AMTN: variants seen among roughly 807,000 people sequenced by gnomAD.
The protein encoded by AMTN is RSTI689.
AMTN carries 29 observed loss-of-function variants against 27.4 expected under a neutral mutation model. The observed-to-expected ratio is 1.06, with a 90% CI of 0.79 to 1.44. AMTN has a LOEUF of 1.44. AMTN is among the 40% of genes most tolerant of loss of function. The pLI is 0.00. For synonymous variants in AMTN, 86 were observed against 95.7 expected (o/e 0.90, Z 0.59); for missense variants, 247 against 248.8 (o/e 0.99, Z 0.05).
chr4:70,530,837 G>C lies in AMTN; in HGVS notation c.358-202G>C, dbSNP rs984121106. On this transcript the variant is annotated intron_variant, in intron 7 of 8. Transcript: ENST00000339336. ...TATGTAATTTATTTCTGAGGGAAATGGAGCATAGCAAAGAGTCCCAGTATT... is the reference window on the plus strand; with the variant it reads ...TATGTAATTTATTTCTGAGGGAAATCGAGCATAGCAAAGAGTCCCAGTATT... Among the ~76,000 whole-genome samples the C allele has an allele frequency of 4.6e-5, 7 of 152,256 alleles. No homozygotes were observed. The South Asian group carries it at 1.0e-3, about 23-fold the overall frequency.
At chr4:70,527,648 A>T (rs1411830301) in intron 5 of AMTN, among the ~76,000 whole-genome samples, 1 of 152,172 alleles carries the variant, frequency 6.6e-6, no homozygotes, top group African/African-American at 2.4e-5. Flanking sequence ...ATTTCATAAG[A>T]CTTTCAAATC....
Position 70,520,684 on chromosome 4 carries a change from A to C in AMTN, c.54+1853A>C, listed in dbSNP as rs145070861. Among the ~76,000 whole-genome samples the C allele has an allele frequency of 4.6e-3, 702 of 152,302 alleles. 8 individuals are homozygous for C. The highest frequency in any genetic ancestry group is 0.016 in the African/African-American group (678 of 41,562). On this transcript the variant is annotated intron_variant, in intron 2 of 8. Transcript: ENST00000339336. ...AAATGATAAATGGTGAGCAGTCTAA[A>C]TCAGTAGGTCACATGACAGGTTAGG...
intron 6 of AMTN, 32 bp from the exon 7 acceptor site, chr4:70,529,152 C>T: frequency 6.6e-7 from 1 of 1,522,646 alleles, no homozygotes; most frequent in South Asian, 1.3e-5. Flanking sequence ...TAAAATGTGT[C>T]TAACAAATTG....
chr4:70,529,473 C>CACA (rs1459811781), intron 7 of AMTN, among the ~76,000 whole-genome samples: 1 of 152,116 alleles, frequency 6.6e-6, no homozygotes. Context: ...AAAGGCAGTG[C>CACA]ACATTTTTTA....
intron 2 of AMTN, among the ~76,000 whole-genome samples, chr4:70,520,611 T>A (rs909800557): frequency 6.6e-6 from 1 of 152,248 alleles, no homozygotes; most frequent in Non-Finnish European, 1.5e-5. Flanking sequence ...CTTTTTGAGA[T>A]GGATCATTGA....
chr4:70,522,823 A>G lies in AMTN; in HGVS notation c.123A>G (p.Gln41=). 1 of 1,613,838 alleles carries G rather than the reference A, an allele frequency of 6.2e-7. No homozygotes were observed. Among genetic ancestry groups the G allele is most frequent in the Non-Finnish European group, 8.5e-7 (1 of 1,179,812 alleles). The part of the protein sequence containing the change: ...LAPDQGTLPN[Q]QQSNQVFPSL... ...CGGATCAGGGAACACTACCAAACCA[A>G]CAGCAGTCAAATCAGGTAAGAGTCC... is the stretch of plus-strand genomic sequence containing the variant. Residue 41 remains glutamine, a synonymous_variant, in exon 3 of 9, where the codon CAA becomes CAG. Transcript: ENST00000339336.
chr4:70,527,163 T>A (rs757365564), intron 5 of AMTN, among the ~76,000 whole-genome samples: 80 of 152,228 alleles, frequency 5.3e-4, no homozygotes, highest in Non-Finnish European at 1.0e-3. Flanking sequence ...CCTCTACAGC[T>A]GTTGCAAAGA....
intron 8 of AMTN, among the ~76,000 whole-genome samples, chr4:70,532,029 G>A (rs545881842): frequency 8.7e-4 from 132 of 152,186 alleles, no homozygotes; most frequent in South Asian, 1.0e-3. Context: ...AAAGCAGAAT[G>A]TGTTCCTTGC....
intron 5 of AMTN, among the ~76,000 whole-genome samples, chr4:70,527,538 G>A (rs964745338): frequency 7.9e-5 from 12 of 152,304 alleles, no homozygotes; most frequent in African/African-American, 2.4e-4. Flanking sequence ...CTGATTGTGA[G>A]TAAGGCTTTT....
chr4:70,524,463 C>T (rs59488189), intron 4 of AMTN, among the ~76,000 whole-genome samples: 4,986 of 152,166 alleles, frequency 0.033, 242 homozygotes, highest in African/African-American at 0.1. Flanking sequence ...ATGTTCCAGA[C>T]AAAATATGTA....
chr4:70,525,580 G>A (rs1407447938), intron 5 of AMTN, among the ~76,000 whole-genome samples: 2 of 151,968 alleles, frequency 1.3e-5, no homozygotes, highest in Admixed American at 6.6e-5. Context: ...TTACCTTATC[G>A]AAACTTTTCT....
At chr4:70,526,940 G>A (rs1736110711) in intron 5 of AMTN, among the ~76,000 whole-genome samples, 1 of 152,174 alleles carries the variant, frequency 6.6e-6, no homozygotes, top group African/African-American at 2.4e-5. Context: ...TCCCTGTGCA[G>A]AGTGGCTTAT....
intron 3 of AMTN, 150 bp downstream of exon 3, chr4:70,522,988 C>T (rs1181884522): frequency 3.0e-5 from 19 of 638,464 alleles, no homozygotes; most frequent in South Asian, 7.1e-5. Context: ...AGAGGCTTTT[C>T]GTTTGGGAGT....
chr4:70,528,797 C>A, intron 6 of AMTN, 39 bp downstream of exon 6: 1 of 1,531,304 alleles, frequency 6.5e-7, no homozygotes, highest in Non-Finnish European at 8.8e-7. Context: ...TTTTAAATCA[C>A]CTTGCTGTGA....
Position 70,518,948 on chromosome 4 carries a change from G to C in AMTN, c.54+117G>C, listed in dbSNP as rs182810183. On this transcript the variant is annotated intron_variant, in intron 2 of 8. Transcript: ENST00000339336. ...CTCTGTTTTGTGACTCATTCCCTGA[G>C]AGTGTCCAGTGTTTATTTTCCAAGA... 1.4e-4 allele frequency: 114 copies of C among 817,188 alleles called. No individual in the cohort carries two copies. In the African/African-American group the frequency reaches 1.8e-3, roughly 13 times the overall value. 50.6% of individuals were successfully genotyped at this position (817,188 alleles called of 1,614,324 possible).
At chr4:70,532,364 T>C in intron 8 of AMTN, 91 bp from the exon 9 acceptor site, 1 of 1,040,942 alleles carries the variant, frequency 9.6e-7, no homozygotes, top group South Asian at 1.6e-5. Flanking sequence ...ATGCTCCTAA[T>C]CCTGCAAAAG....
chr4:70,524,913 C>A lies in AMTN; in HGVS notation c.246C>A (p.His82Gln). ...GAATGACACCTGGTACCCAGACCCACCCATTGACCCTGGGAGGGTTGAATG... is the reference window on the plus strand; with the variant it reads ...GAATGACACCTGGTACCCAGACCCAACCATTGACCCTGGGAGGGTTGAATG... ...AAGMTPGTQT[H>Q]PLTLGGLNVQ... The change falls in exon 5 of 9, where the codon CAC (histidine) becomes CAA (glutamine). Residue 82 changes from histidine to glutamine, a missense_variant. Physicochemically the swap from His to Gln is conservative, Grantham distance 24 (BLOSUM62 0). Transcript: ENST00000339336. The A allele has an allele frequency of 1.2e-6, 2 of 1,614,078 alleles. No homozygotes were observed. The highest frequency in any genetic ancestry group is 1.1e-5 in the South Asian group (1 of 91,082).
intron 5 of AMTN, among the ~76,000 whole-genome samples, chr4:70,527,854 A>C (rs1351335568): frequency 6.6e-6 from 1 of 152,202 alleles, no homozygotes; most frequent in African/African-American, 2.4e-5. Context: ...TGTGAACTAA[A>C]TTTATAATAT....
In AMTN at chr4:70,522,872, C is replaced by T. The variant is rs116013987; in HGVS notation, c.138+34C>T. 2,143 of 1,592,156 alleles carry T rather than the reference C, an allele frequency of 1.3e-3. 26 individuals carry two copies. The African/African-American group carries it at 0.025, about 19-fold the overall frequency. ...CCTACAATATGGAACATGTACAAACCGGTAAAGAAAATACGGAACATGTAC... is the reference window on the plus strand; with the variant it reads ...CCTACAATATGGAACATGTACAAACTGGTAAAGAAAATACGGAACATGTAC... On this transcript the variant is annotated intron_variant, in intron 3 of 8. Transcript: ENST00000339336.
Sources: gnomAD v4.1 joint callset for allele counts (sites outside exome capture counted in the v4.1 genomes callset) on GRCh38, gnomAD v4.1.1 for gene constraint, MANE v1.5 for transcripts, NCBI Gene and HGNC (gene_info 2026-07-23, HGNC 2026-07-21) for gene names.